TBXAS1: variants seen among roughly 807,000 people sequenced by gnomAD.
TBXAS1 encodes thromboxane A synthase 1, also known as thromboxane-A synthase.
In TBXAS1, 48 loss-of-function variants were observed where a neutral mutation model predicts 60.7. The observed-to-expected ratio is 0.79, with a 90% CI of 0.63 to 1.01. The LOEUF (loss-of-function observed/expected upper bound fraction) is 1.01. TBXAS1 is among the 50% of genes least tolerant of loss of function. The probability of loss-of-function intolerance (pLI) is 0.00; values close to 1 mark genes in which losing one functional copy is unlikely to be tolerated. For missense variants in TBXAS1, 685 were observed against 686.3 expected (o/e 1.00, Z 0.02); for synonymous variants, 287 against 269.7 (o/e 1.06, Z -0.63).
intron 9 of TBXAS1, among the ~76,000 whole-genome samples, chr7:140,002,749 G>A (rs992882256): frequency 6.6e-5 from 10 of 151,774 alleles, no homozygotes; most frequent in Middle Eastern, 3.2e-3. Flanking sequence ...TAAAAAGGGA[G>A]AGCTGGTGCC....
intron 4 of TBXAS1, among the ~76,000 whole-genome samples, chr7:139,812,255 C>T (rs1041887549): frequency 2.6e-5 from 4 of 152,178 alleles, no homozygotes; most frequent in Non-Finnish European, 4.4e-5. Context: ...AGGCTGAATT[C>T]CGACTGAGCA....
intron 4 of TBXAS1, among the ~76,000 whole-genome samples, chr7:139,820,395 G>A (rs1275731681): frequency 6.6e-6 from 1 of 152,150 alleles, no homozygotes; most frequent in Non-Finnish European, 1.5e-5. Flanking sequence ...AACATCAAGA[G>A]CAACTTGTAG....
intron 9 of TBXAS1, among the ~76,000 whole-genome samples, chr7:139,992,805 C>T (rs1212235430): frequency 6.6e-6 from 1 of 152,202 alleles, no homozygotes; most frequent in African/African-American, 2.4e-5. Flanking sequence ...GTAGAGAAGT[C>T]GCTGAAGGCA....
chr7:139,995,929 C>T (rs1813252654), intron 9 of TBXAS1, among the ~76,000 whole-genome samples: 1 of 152,162 alleles, frequency 6.6e-6, no homozygotes, highest in African/African-American at 2.4e-5. Context: ...TCTCTAACTA[C>T]TCATCCTGCG....
chr7:139,784,313 G>A (rs1447245434), intron 3 of TBXAS1, among the ~76,000 whole-genome samples: 14 of 149,386 alleles, frequency 9.4e-5, no homozygotes, highest in African/African-American at 3.5e-4. Context: ...CAAATGTTCA[G>A]CTACAGCTTA....
chr7:139,936,292 T>C lies in TBXAS1; in HGVS notation c.435T>C (p.Pro145=). 1.2e-6 allele frequency: 2 copies of C among 1,614,136 alleles called. No homozygotes were observed. The highest frequency in any genetic ancestry group is 1.7e-6 in the Non-Finnish European group (2 of 1,179,970). ...GTGCCCTGATGTCTGCTTTCAGTCC[T>C]GAAAAGCTGAACGAGGTAAGACATG... ...VRGALMSAFS[P]EKLNEMVPLI... The change falls in exon 5 of 13, where the codon CCT becomes CCC. Residue 145 remains proline (P), a synonymous_variant. Transcript: ENST00000448866.
intron 10 of TBXAS1, among the ~76,000 whole-genome samples, chr7:140,007,885 C>T (rs1814215559): frequency 6.6e-6 from 1 of 152,222 alleles, no homozygotes; most frequent in South Asian, 2.1e-4. Context: ...CCGGTCACAC[C>T]AACCTGTGGG....
At chr7:139,984,642 G>GAAAGAAAGAAAGAAAGAAAGAAAC (rs1812238714) in intron 9 of TBXAS1, among the ~76,000 whole-genome samples, 1 of 72,548 alleles carries the variant, frequency 1.4e-5, no homozygotes. Context: ...GAGAGAGAGA[G>GAAAGAAAGAAAGAAAGAAAGAAAC]AAAGAAAGAA....
At chr7:139,942,844 T>C (rs1032969822) in intron 5 of TBXAS1, among the ~76,000 whole-genome samples, 1 of 152,232 alleles carries the variant, frequency 6.6e-6, no homozygotes, top group Non-Finnish European at 1.5e-5. Context: ...CAATAATGTA[T>C]GAATCTTAAA....
intron 3 of TBXAS1, among the ~76,000 whole-genome samples, chr7:139,886,219 T>C (rs1283646099): frequency 6.6e-6 from 1 of 152,044 alleles, no homozygotes; most frequent in Non-Finnish European, 1.5e-5. Flanking sequence ...TAACAACCTC[T>C]CCTCCATCTC....
chr7:139,837,961 G>A (rs1799176643), intron 1 of TBXAS1, among the ~76,000 whole-genome samples: 2 of 152,188 alleles, frequency 1.3e-5, no homozygotes, highest in Non-Finnish European at 2.9e-5. Flanking sequence ...CAATGGCAGG[G>A]ATGCTCTGCT....
At chr7:139,873,900 G>T (rs574555618) in intron 2 of TBXAS1, among the ~76,000 whole-genome samples, 1 of 152,144 alleles carries the variant, frequency 6.6e-6, no homozygotes, top group African/African-American at 2.4e-5. Context: ...ACTAAATTTG[G>T]GACAATCCTG....
At chr7:139,829,600 A>G in intron 1 of TBXAS1, 121 bp downstream of exon 1, 2 of 896,378 alleles carry the variant, frequency 2.2e-6, no homozygotes, top group Non-Finnish European at 3.6e-6. Context: ...AGCGGGAGTG[A>G]GTATTAACAC....
At chr7:139,981,255 G>A (rs1584999197) in intron 9 of TBXAS1, among the ~76,000 whole-genome samples, 1 of 152,070 alleles carries the variant, frequency 6.6e-6, no homozygotes, top group Non-Finnish European at 1.5e-5. Context: ...TTACAGGCTT[G>A]TACCACCCAT....
At chr7:139,965,985 C>T (rs1321458999) in intron 9 of TBXAS1, among the ~76,000 whole-genome samples, 1 of 151,134 alleles carries the variant, frequency 6.6e-6, no homozygotes, top group East Asian at 1.9e-4. Context: ...AGATATTTTC[C>T]TGAAAATATT....
At chr7:139,936,398 T>C (rs375687572) in intron 5 of TBXAS1, 91 bp downstream of exon 5, 1 of 1,291,210 alleles carries the variant, frequency 7.7e-7, no homozygotes. Context: ...TTGCATCACT[T>C]GCCCAGGTGA....
intron 3 of TBXAS1, among the ~76,000 whole-genome samples, chr7:139,881,057 A>G (rs1470708295): frequency 6.6e-6 from 1 of 152,158 alleles, no homozygotes; most frequent in Non-Finnish European, 1.5e-5. Context: ...GCATCTTTTC[A>G]TATGTTTAAA....
chr7:140,009,546 C>T (rs1281249470), intron 10 of TBXAS1, among the ~76,000 whole-genome samples: 3 of 151,470 alleles, frequency 2.0e-5, no homozygotes, highest in East Asian at 1.9e-4. Context: ...TCTCCTGAGC[C>T]GCCCCTTCCC....
chr7:139,935,446 A>G (rs1807674444), intron 4 of TBXAS1, among the ~76,000 whole-genome samples: 2 of 152,158 alleles, frequency 1.3e-5, no homozygotes, highest in South Asian at 4.1e-4. Flanking sequence ...AATTGGTTGA[A>G]TCCACAGATG....
Sources: allele counts gnomAD v4.1 joint callset (sites outside exome capture counted in the v4.1 genomes callset), GRCh38; gene constraint gnomAD v4.1.1; transcripts MANE v1.5; gene names NCBI Gene and HGNC (gene_info 2026-07-23, HGNC 2026-07-21).